Variants in GLYATL2 observed in about 807,000 individuals in gnomAD.
GLYATL2 encodes the protein glycine-N-acyltransferase like 2.
Under a neutral mutation model 21.4 loss-of-function variants are expected in GLYATL2, and 25 were observed. The observed-to-expected ratio is 1.17, with a 90% CI of 0.85 to 1.63. The LOEUF is 1.63. GLYATL2 is among the 40% of genes most tolerant of loss of function. The pLI, the probability that GLYATL2 is intolerant of heterozygous loss-of-function variation, is 0.00. For synonymous variants in GLYATL2, 114 were observed against 118.2 expected, an observed-to-expected ratio of 0.96 and a Z score of 0.23; for missense variants, 361 against 343.3, an observed-to-expected ratio of 1.05 and a Z score of -0.41.
chr11:58,861,829 A>G (rs1157551731), intron 1 of GLYATL2, among the ~76,000 whole-genome samples: 1 of 151,678 alleles, frequency 6.6e-6, no homozygotes, highest in East Asian at 1.9e-4. Flanking sequence ...GTATTTGTGA[A>G]TTTTCTAAAA....
At chr11:58,857,978 C>A (rs1350326970) in intron 1 of GLYATL2, among the ~76,000 whole-genome samples, 1 of 150,730 alleles carries the variant, frequency 6.6e-6, no homozygotes, top group Admixed American at 6.6e-5. Context: ...AATGATGGAT[C>A]ACATTGGAGT....
chr11:58,855,098 T>C (rs1853805895), intron 1 of GLYATL2, among the ~76,000 whole-genome samples: 2 of 152,226 alleles, frequency 1.3e-5, no homozygotes, highest in Non-Finnish European at 1.5e-5. Context: ...GATAGCTTGA[T>C]CTCCTCCCAT....
chr11:58,907,100 C>T, upstream of GLYATL2: 1 of 331,302 alleles, frequency 3.0e-6, no homozygotes, highest in South Asian at 2.5e-5. Context: ...GAAAGTTACA[C>T]CATAATAGTT....
chr11:58,896,189 G>A (rs901233729), intron 1 of GLYATL2, among the ~76,000 whole-genome samples: 2 of 152,028 alleles, frequency 1.3e-5, no homozygotes, highest in African/African-American at 4.8e-5. Context: ...CTGTGCAGGC[G>A]ACATGGCACC....
intron 1 of GLYATL2, among the ~76,000 whole-genome samples, chr11:58,865,357 A>G (rs529641864): frequency 3.4e-5 from 5 of 149,100 alleles, no homozygotes; most frequent in African/African-American, 1.2e-4. Flanking sequence ...TTAACAAAAT[A>G]GGACTTGTTG....
At chr11:58,905,981 G>A (rs1056667098), upstream of GLYATL2, among the ~76,000 whole-genome samples, 1 of 152,170 alleles carries the variant, frequency 6.6e-6, no homozygotes, top group African/African-American at 2.4e-5. Flanking sequence ...GCTCCCTCCC[G>A]CGCGCCAGCC....
At chr11:58,887,997 T>C (rs1009580237) in intron 1 of GLYATL2, among the ~76,000 whole-genome samples, 11 of 152,194 alleles carry the variant, frequency 7.2e-5, no homozygotes, top group Non-Finnish European at 1.0e-4. Context: ...GCACTGAATG[T>C]TGTCCCTTTT....
At chr11:58,851,283 G>T (rs1853736507) in intron 1 of GLYATL2, among the ~76,000 whole-genome samples, 2 of 152,076 alleles carry the variant, frequency 1.3e-5, no homozygotes, top group African/African-American at 2.4e-5. Context: ...CTGCACATGT[G>T]GAGAAAAACG....
In GLYATL2 at chr11:58,837,240, G is replaced by A. The variant is rs141128197; in HGVS notation, c.313+31C>T. The A allele has an allele frequency of 1.1e-3, 1,810 of 1,612,836 alleles. 17 individuals carry two copies. The African/African-American group carries it at 0.016, about 14-fold the overall frequency. On this transcript the variant is annotated intron_variant, in intron 4 of 5. Transcript: ENST00000287275. Reference sequence around the variant, plus strand: ...TCCATATCGGCTAGGAATAAACCATGGATCTTTTTCTTTTAACTCAGACTA... The same window carrying A: ...TCCATATCGGCTAGGAATAAACCATAGATCTTTTTCTTTTAACTCAGACTA...
intron 1 of GLYATL2, among the ~76,000 whole-genome samples, chr11:58,853,162 T>C (rs1323632817): frequency 6.6e-6 from 1 of 152,214 alleles, no homozygotes; most frequent in Admixed American, 6.5e-5. Flanking sequence ...ACAATTATAC[T>C]GACCCCAAGA....
At chr11:58,885,471 C>T (rs1271929866) in intron 1 of GLYATL2, 1 of 510,482 alleles carries the variant, frequency 2.0e-6, no homozygotes, top group Non-Finnish European at 3.9e-6. Context: ...CATAGGAACC[C>T]CTTCAACATG....
chr11:58,858,923 AC>A (rs1853882152), intron 1 of GLYATL2, among the ~76,000 whole-genome samples: 1 of 152,114 alleles, frequency 6.6e-6, no homozygotes, highest in Non-Finnish European at 1.5e-5. Flanking sequence ...TGATCTCCAA[AC>A]CAGATATTCT....
upstream of GLYATL2, chr11:58,907,132 C>T (rs982764778): frequency 5.2e-5 from 19 of 367,762 alleles, no homozygotes; most frequent in Admixed American, 4.7e-4. Flanking sequence ...CTTTCCTGGC[C>T]TTGGAAAGTT....
At chr11:58,874,025 G>C (rs1247245833) in intron 1 of GLYATL2, among the ~76,000 whole-genome samples, 2 of 152,182 alleles carry the variant, frequency 1.3e-5, no homozygotes, top group Admixed American at 1.3e-4. Flanking sequence ...GAGAGTGTAT[G>C]TGTCGAGGAA....
At chr11:58,845,381 G>A (rs1195391439), upstream of GLYATL2, among the ~76,000 whole-genome samples, 3 of 152,232 alleles carry the variant, frequency 2.0e-5, no homozygotes, top group South Asian at 2.1e-4. Flanking sequence ...CAGGAGGGTC[G>A]CTTGAGGGCA....
chr11:58,858,486 G>A (rs1421809111), intron 1 of GLYATL2, among the ~76,000 whole-genome samples: 1 of 150,596 alleles, frequency 6.6e-6, no homozygotes, highest in Non-Finnish European at 1.5e-5. Context: ...AAAAAAATTG[G>A]ATCAAATAAG....
chr11:58,896,711 C>T (rs200787664), intron 1 of GLYATL2, among the ~76,000 whole-genome samples: 1 of 5,174 alleles, frequency 1.9e-4, no homozygotes, highest in African/African-American at 2.1e-4. Flanking sequence ...TAACTTCTGT[C>T]GTTTTCAAAC....
chr11:58,838,173 C>T, intron 3 of GLYATL2, 88 bp downstream of exon 3: 2 of 831,054 alleles, frequency 2.4e-6, no homozygotes, highest in Non-Finnish European at 2.0e-6. Flanking sequence ...ATGTTCTTCT[C>T]ACCACTCCTC....
intron 1 of GLYATL2, among the ~76,000 whole-genome samples, chr11:58,876,403 T>C (rs1178848106): frequency 2.0e-5 from 3 of 152,334 alleles, no homozygotes; most frequent in African/African-American, 4.8e-5. Context: ...GCTCTGTTTT[T>C]CCCCATCTTT....
Sources: gnomAD v4.1 joint callset for allele counts (sites outside exome capture counted in the v4.1 genomes callset) on GRCh38, gnomAD v4.1.1 for gene constraint, MANE v1.5 for transcripts, NCBI Gene and HGNC (gene_info 2026-07-23, HGNC 2026-07-21) for gene names.